FSIP1: variants seen among roughly 807,000 people sequenced by gnomAD.
The protein encoded by FSIP1 is fibrous sheath interacting protein 1, also known as fibrous sheath-interacting protein 1.
FSIP1 carries 65 observed loss-of-function variants against 60.9 expected under a neutral mutation model. That is an observed-to-expected ratio of 1.07 (90% confidence interval 0.87 to 1.31). The LOEUF (loss-of-function observed/expected upper bound fraction) is 1.31. FSIP1 is among the 40% of genes most tolerant of loss of function. The probability of loss-of-function intolerance (pLI) is 0.00; values close to 1 mark genes in which losing one functional copy is unlikely to be tolerated. For synonymous variants in FSIP1, 209 were observed against 221.2 expected (o/e 0.94, Z 0.49); for missense variants, 675 against 665.5 (o/e 1.01, Z -0.16).
intron 10 of FSIP1, among the ~76,000 whole-genome samples, chr15:39,709,196 G>T (rs997178595): frequency 6.6e-6 from 1 of 152,074 alleles, no homozygotes; most frequent in Non-Finnish European, 1.5e-5. Flanking sequence ...TTCTCCCATC[G>T]CTAAAACAGG....
chr15:39,762,622 G>A (rs1176717679), intron 5 of FSIP1, among the ~76,000 whole-genome samples: 1 of 152,204 alleles, frequency 6.6e-6, no homozygotes, highest in Non-Finnish European at 1.5e-5. Flanking sequence ...CTCACAGCAT[G>A]GCAGCCTTGG....
At position 39,600,933 on chromosome 15, in the gene FSIP1, A is replaced by G. The variant is rs371045004; in HGVS notation, c.1700-7T>C. The G allele has an allele frequency of 6.2e-7, 1 of 1,604,052 alleles. No homozygotes were observed. Among genetic ancestry groups the G allele is most frequent in the Non-Finnish European group, 8.5e-7 (1 of 1,175,594 alleles). ...TCTTTAGTCTCCTGCTCATCTGCAC[A>G]TAAAAACAATAACCACAGTTATTAG... On this transcript the variant is annotated splice_region_variant and splice_polypyrimidine_tract_variant and intron_variant, in intron 11 of 11. Transcript: ENST00000350221.
rs138209196 is a variant in FSIP1 at position 39,601,326 on chromosome 15, C to T, written c.1700-400G>A. Among the ~76,000 whole-genome samples, 24 of 152,256 alleles carry T rather than the reference C, an allele frequency of 1.6e-4. No homozygotes were observed. In the East Asian group the frequency reaches 4.4e-3, roughly 28 times the overall value. ...CTTGAAGTGAGAAAAAAAATTGTGA[C>T]ATTAACAGAAAAGGAATGGAAATAT... is the stretch of plus-strand genomic sequence containing the variant. On this transcript the variant is annotated intron_variant, in intron 11 of 11. Transcript: ENST00000350221.
intron 10 of FSIP1, among the ~76,000 whole-genome samples, chr15:39,683,126 A>G (rs529345780): frequency 2.6e-5 from 4 of 152,338 alleles, no homozygotes; most frequent in Admixed American, 6.5e-5. Context: ...TCACTAGCCC[A>G]GTGAGCCAAC....
chr15:39,763,957 CA>C, intron 4 of FSIP1, 43 bp from the exon 5 acceptor site: 1 of 994,838 alleles, frequency 1.0e-6, no homozygotes, highest in Non-Finnish European at 1.6e-6. Context: ...GAAAAGAAGG[CA>C]ACTATAATCA....
chr15:39,714,350 T>C (rs977761095), intron 9 of FSIP1, among the ~76,000 whole-genome samples: 4 of 152,000 alleles, frequency 2.6e-5, no homozygotes, highest in African/African-American at 9.7e-5. Flanking sequence ...TTTGGTCCTG[T>C]ATCTAAGATT....
At chr15:39,776,197 AGAGG>A (rs367626075) in intron 2 of FSIP1, among the ~76,000 whole-genome samples, 198 bp downstream of exon 2, 1 of 30,676 alleles carries the variant, frequency 3.3e-5, no homozygotes, top group African/African-American at 8.6e-5. Context: ...GGGAGGAGAG[AGAGG>A]GAGGGAGGGA....
At chr15:39,737,280 C>T (rs1275387565) in intron 8 of FSIP1, among the ~76,000 whole-genome samples, 1 of 152,140 alleles carries the variant, frequency 6.6e-6, no homozygotes, top group Non-Finnish European at 1.5e-5. Flanking sequence ...CCATTACATG[C>T]TGTTCCCCTC....
chr15:39,743,237 G>C (rs1896864363), intron 5 of FSIP1, among the ~76,000 whole-genome samples: 1 of 152,174 alleles, frequency 6.6e-6, no homozygotes, highest in South Asian at 2.1e-4. Flanking sequence ...TCTGAGACCA[G>C]TGTCATGCAG....
At chr15:39,702,238 C>T (rs1039860541) in intron 10 of FSIP1, among the ~76,000 whole-genome samples, 2 of 150,894 alleles carry the variant, frequency 1.3e-5, no homozygotes, top group South Asian at 2.1e-4. Flanking sequence ...CTGTCTTGGG[C>T]TCTGTTTCCT....
chr15:39,692,189 G>A (rs16969597), intron 10 of FSIP1, among the ~76,000 whole-genome samples: 2,492 of 152,226 alleles, frequency 0.016, 68 homozygotes, highest in African/African-American at 0.057. Flanking sequence ...AGACTTGTAC[G>A]CCACACCAGC....
intron 11 of FSIP1, among the ~76,000 whole-genome samples, chr15:39,614,600 A>G (rs1377487418): frequency 1.3e-5 from 2 of 149,964 alleles, no homozygotes; most frequent in Non-Finnish European, 3.0e-5. Context: ...AGCCAAGATC[A>G]TGCCATTGCA....
intron 10 of FSIP1, among the ~76,000 whole-genome samples, chr15:39,656,792 G>GA (rs760114121): frequency 8.1e-4 from 123 of 152,178 alleles, no homozygotes; most frequent in Non-Finnish European, 1.6e-3. Context: ...TTTTAAAAGA[G>GA]AAAAAAATCA....
chr15:39,632,325 C>T (rs538984200), intron 10 of FSIP1, among the ~76,000 whole-genome samples: 2 of 152,200 alleles, frequency 1.3e-5, no homozygotes, highest in South Asian at 2.1e-4. Flanking sequence ...TACAGATACG[C>T]ACCACCATGC....
chr15:39,653,192 A>C (rs1892946031), intron 10 of FSIP1, among the ~76,000 whole-genome samples: 1 of 149,892 alleles, frequency 6.7e-6, no homozygotes, highest in African/African-American at 2.5e-5. Flanking sequence ...AAAAAAAAAA[A>C]CCCAAAAACG....
At chr15:39,689,037 C>T (rs1894494517) in intron 10 of FSIP1, among the ~76,000 whole-genome samples, 1 of 152,154 alleles carries the variant, frequency 6.6e-6, no homozygotes, top group African/African-American at 2.4e-5. Context: ...GACCTGGACT[C>T]TCTGACTGAC....
chr15:39,674,244 C>A (rs1191745681), intron 10 of FSIP1, among the ~76,000 whole-genome samples: 3 of 152,026 alleles, frequency 2.0e-5, no homozygotes, highest in African/African-American at 4.8e-5. Flanking sequence ...TTAGTAGAGA[C>A]AGGGTTTCAC....
At chr15:39,726,315 T>G (rs947364982) in intron 9 of FSIP1, among the ~76,000 whole-genome samples, 1 of 152,156 alleles carries the variant, frequency 6.6e-6, no homozygotes, top group African/African-American at 2.4e-5. Context: ...CATATCCGCT[T>G]TCTTCCCTCC....
intron 9 of FSIP1, among the ~76,000 whole-genome samples, chr15:39,721,883 A>G (rs1236298072): frequency 6.6e-6 from 1 of 152,180 alleles, no homozygotes; most frequent in East Asian, 1.9e-4. Context: ...CTAATTTTTA[A>G]ATGTTGGCTA....
Sources: allele counts gnomAD v4.1 joint callset (sites outside exome capture counted in the v4.1 genomes callset), GRCh38; gene constraint gnomAD v4.1.1; transcripts MANE v1.5; gene names NCBI Gene and HGNC (gene_info 2026-07-23, HGNC 2026-07-21).